The following HSPA4L variants were observed in gnomAD, a reference collection of about 807,000 sequenced individuals.
HSPA4L encodes the protein heat shock protein family A (Hsp70) member 4 like.
Under a neutral mutation model 100.3 loss-of-function variants are expected in HSPA4L, and 48 were observed. The observed-to-expected ratio is 0.48, with a 90% CI of 0.38 to 0.61. HSPA4L has a LOEUF of 0.61. Among genes scored for constraint, HSPA4L ranks in the 20% least tolerant of loss-of-function variants. The pLI is 0.00. For synonymous variants in HSPA4L, 319 were observed against 328.2 expected (o/e 0.97, Z 0.30); for missense variants, 886 against 988.6 (o/e 0.90, Z 1.39).
chr4:127,782,238 G>C (rs1196561463), upstream of HSPA4L: 10 of 395,168 alleles, frequency 2.5e-5, no homozygotes, highest in Non-Finnish European at 4.3e-5. Flanking sequence ...GCTCGGGCGC[G>C]GAGCGGAGGC....
chr4:127,799,465 C>T (rs546372523), intron 4 of HSPA4L, among the ~76,000 whole-genome samples: 3 of 152,012 alleles, frequency 2.0e-5, no homozygotes, highest in African/African-American at 7.2e-5. Flanking sequence ...TATTATTAAC[C>T]CTAGTTTTAC....
rs143707866 is a variant in HSPA4L at position 127,805,191 on chromosome 4, T to G, written c.1104T>G (p.Ala368=). Residue 368 remains alanine (A), a synonymous_variant, in exon 9 of 19, where the codon GCT becomes GCG. Transcript: ENST00000296464. ...AAGACATAAGTACCACATTAAATGCTGATGAAGCTGTTGCAAGAGGATGTG... is the reference window on the plus strand; with the variant it reads ...AAGACATAAGTACCACATTAAATGCGGATGAAGCTGTTGCAAGAGGATGTG... ...FLKDISTTLN[A]DEAVARGCAL... 2.4e-5 allele frequency: 38 copies of G among 1,610,056 alleles called. No individual in the cohort carries two copies. Among genetic ancestry groups the G allele is most frequent in the Non-Finnish European group, 3.1e-5 (37 of 1,178,420 alleles).
In HSPA4L at chr4:127,832,681, AG is replaced by A. The variant is rs1734112692; in HGVS notation, c.2329del. On this transcript the variant is annotated splice_acceptor_variant, in intron 18 of 18. Transcript: ENST00000296464. LOFTEE classifies it high-confidence loss of function. ...ATATAATCAATTTCTTCATGTCTTT[AG>A]GAACTGGATAATTTCTGTAACCCCA... 1.3e-6 allele frequency: 2 copies of A among 1,593,416 alleles called. No individual in the cohort carries two copies. The highest frequency in any genetic ancestry group is 1.7e-6 in the Non-Finnish European group (2 of 1,170,618).
At chr4:127,807,043 G>A (rs1429131636) in intron 10 of HSPA4L, among the ~76,000 whole-genome samples, 1 of 151,908 alleles carries the variant, frequency 6.6e-6, no homozygotes, top group Non-Finnish European at 1.5e-5. Context: ...GAAAAAAATT[G>A]TAAGAAAACG....
chr4:127,798,679 G>A lies in HSPA4L; in HGVS notation c.399G>A (p.Leu133=). 1 of 1,613,700 alleles carries A rather than the reference G, an allele frequency of 6.2e-7. No individual in the cohort carries two copies. The highest frequency in any genetic ancestry group is 1.1e-5 in the South Asian group (1 of 91,066). The stretch of plus-strand genomic sequence containing the variant: ...TTAAAGAGACTTCAGAAAATGCTTT[G>A]AAGAAACCAGTGGCTGACTGTGTGA... ...AKLKETSENA[L]KKPVADCVIS... is the part of the protein sequence containing the mutation. Residue 133 remains leucine, a synonymous_variant, in exon 4 of 19, where the codon TTG becomes TTA. Coordinates refer to ENST00000296464, the MANE Select transcript of HSPA4L (RefSeq NM_014278.4).
At chr4:127,818,235 A>C (rs542980209) in intron 12 of HSPA4L, 90 bp from the exon 13 acceptor site, 1 of 785,184 alleles carries the variant, frequency 1.3e-6, no homozygotes, top group African/African-American at 1.8e-5. Context: ...TTACATTTCA[A>C]AACAGGCTTG....
At position 127,818,328 on chromosome 4, in the gene HSPA4L, A is replaced by C. The variant is rs1453847744; in HGVS notation, c.1582A>C (p.Lys528Gln). ...FKNENKDNMDKMQVDQEEGHQ... is the reference protein window; with the variant it reads ...FKNENKDNMDQMQVDQEEGHQ... ...CAATTATGTATTTTCTTTCTAGGAT[A>C]AAATGCAGGTTGATCAAGAAGAAGG... The change falls in exon 13 of 19, where the codon AAA becomes CAA. Residue 528 changes from lysine to glutamine, a missense_variant. Physicochemically the swap from Lys to Gln is moderately conservative, Grantham distance 53. Coordinates refer to ENST00000296464, the MANE Select transcript of HSPA4L (RefSeq NM_014278.4). The C allele has an allele frequency of 6.2e-7, 1 of 1,602,938 alleles. No individual in the cohort carries two copies. Among genetic ancestry groups the C allele is most frequent in the Non-Finnish European group, 8.5e-7 (1 of 1,171,778 alleles).
At chr4:127,811,673 A>T (rs1354432819) in intron 12 of HSPA4L, 37 bp downstream of exon 12, 1 of 1,422,964 alleles carries the variant, frequency 7.0e-7, no homozygotes, top group South Asian at 1.2e-5. Flanking sequence ...CTTGTAATAG[A>T]TAGTGTATAC....
intron 12 of HSPA4L, among the ~76,000 whole-genome samples, chr4:127,816,834 A>ATT (rs1733681613): frequency 6.6e-6 from 1 of 152,206 alleles, no homozygotes; most frequent in Non-Finnish European, 1.5e-5. Flanking sequence ...AATCTGGTTT[A>ATT]TTTTCCTTTT....
intron 1 of HSPA4L, among the ~76,000 whole-genome samples, chr4:127,784,927 A>G (rs980737526): frequency 2.6e-5 from 4 of 152,386 alleles, no homozygotes; most frequent in Admixed American, 6.5e-5. Flanking sequence ...GTAATGTGAC[A>G]TATTTTCTAA....
chr4:127,820,615 T>G, intron 14 of HSPA4L, 50 bp downstream of exon 14: 2 of 1,562,254 alleles, frequency 1.3e-6, no homozygotes, highest in Non-Finnish European at 1.7e-6. Flanking sequence ...TATTCTGAAA[T>G]TTTGTAGAAG....
In HSPA4L at chr4:127,840,717, ACTC is replaced by A. The variant is rs1455403518; in HGVS notation, c.*7846_*7848del. ...GTAATTATAATAAATATGTCTACCTACTCCTTGAACCATGAATTTTGCACACCT... is the reference window on the plus strand; with the variant it reads ...GTAATTATAATAAATATGTCTACCTACTTGAACCATGAATTTTGCACACCT... On this transcript the variant is annotated 3_prime_UTR_variant, in exon 19 of 19. Transcript: ENST00000296464. 14 of 152,050 alleles carry A rather than the reference ACTC, an allele frequency of 9.2e-5. No homozygotes were observed. The highest frequency in any genetic ancestry group is 2.7e-4 in the African/African-American group (11 of 41,462). 9.4% of individuals were successfully genotyped at this position (152,050 alleles called of 1,614,324 possible).
In HSPA4L at chr4:127,794,056, CTT is replaced by C. The variant is rs763493849; in HGVS notation, c.108-17_108-16del. Reference sequence around the variant, plus strand: ...TAATATAAAAGTACCATGGAACAAACTTTTTGTTTTTCTGGTTTAGGGCCTGT... The same window carrying C: ...TAATATAAAAGTACCATGGAACAAACTTTGTTTTTCTGGTTTAGGGCCTGT... On this transcript the variant is annotated intron_variant, in intron 1 of 18. Coordinates refer to ENST00000296464, the MANE Select transcript of HSPA4L (RefSeq NM_014278.4). The C allele has an allele frequency of 6.4e-7, 1 of 1,565,204 alleles. No individual in the cohort carries two copies. Among genetic ancestry groups the C allele is most frequent in the Non-Finnish European group, 8.7e-7 (1 of 1,153,450 alleles).
At chr4:127,809,604 A>G in intron 11 of HSPA4L, 1 of 606,222 alleles carries the variant, frequency 1.6e-6, no homozygotes, top group Non-Finnish European at 3.0e-6. Flanking sequence ...TGTTAAAGGA[A>G]TGTGTAAGTG....
intron 1 of HSPA4L, among the ~76,000 whole-genome samples, chr4:127,783,030 A>G (rs1278689557): frequency 2.6e-5 from 4 of 152,056 alleles, no homozygotes; most frequent in African/African-American, 9.7e-5. Context: ...GTTGCCTCTA[A>G]CGAGGTTTAC....
rs1244677290 is a variant in HSPA4L, at chr4:127,834,793, G to T, written c.*1919G>T. 1 of 152,138 alleles carries T rather than the reference G, an allele frequency of 6.6e-6. No individual in the cohort carries two copies. The highest frequency in any genetic ancestry group is 1.5e-5 in the Non-Finnish European group (1 of 68,006). 9.4% of individuals were successfully genotyped at this position (152,138 alleles called of 1,614,324 possible). A position where few individuals can be genotyped will look rare whatever the true frequency, so the allele number is the denominator to read the frequency against. On this transcript the variant is annotated 3_prime_UTR_variant, in exon 19 of 19. Coordinates refer to ENST00000296464, the MANE Select transcript of HSPA4L (RefSeq NM_014278.4). ...GAGCTATGCCTCAGAAACTTCCTGGGAGTAAATATGGGAACAACTTTTCTA... is the reference window on the plus strand; with the variant it reads ...GAGCTATGCCTCAGAAACTTCCTGGTAGTAAATATGGGAACAACTTTTCTA...
intron 2 of HSPA4L, among the ~76,000 whole-genome samples, chr4:127,794,340 A>C (rs1461885810): frequency 6.6e-6 from 1 of 151,992 alleles, no homozygotes; most frequent in African/African-American, 2.4e-5. Flanking sequence ...TTTTTTAAAA[A>C]TATTTTTTAG....
intron 1 of HSPA4L, among the ~76,000 whole-genome samples, chr4:127,788,393 G>GT (rs1285529394): frequency 1.3e-5 from 2 of 151,930 alleles, no homozygotes; most frequent in Non-Finnish European, 2.9e-5. Flanking sequence ...GCAGCAGTGA[G>GT]TTTTTTTTAG....
At chr4:127,802,009 C>T in intron 6 of HSPA4L, 91 bp downstream of exon 6, 1 of 987,922 alleles carries the variant, frequency 1.0e-6, no homozygotes, top group Non-Finnish European at 1.5e-6. Context: ...GGCTCTGCCC[C>T]TTAAACTATG....
Sources: allele counts gnomAD v4.1 joint callset (sites outside exome capture counted in the v4.1 genomes callset), GRCh38; gene constraint gnomAD v4.1.1; transcripts MANE v1.5; gene names NCBI Gene and HGNC (gene_info 2026-07-23, HGNC 2026-07-21).